Variants in GTPBP4 observed in about 807,000 individuals in gnomAD.
GTPBP4 encodes the protein GTP-binding protein 4.
GTPBP4 carries 15 observed loss-of-function variants against 81.7 expected under a neutral mutation model. The ratio of observed to expected loss-of-function variants is 0.18; its 90% CI spans 0.12 to 0.28. GTPBP4 has a LOEUF of 0.28. GTPBP4 is among the 10% of genes least tolerant of loss of function. The pLI, the probability that GTPBP4 is intolerant of heterozygous loss-of-function variation, is 1.00. For missense variants in GTPBP4, 847 were observed against 793.8 expected (o/e 1.07, Z -0.81); for synonymous variants, 272 against 274.6 (o/e 0.99, Z 0.09).
Position 991,241 on chromosome 10 carries a change from G to A in GTPBP4, c.49-1248G>A, listed in dbSNP as rs150072733. ...TCCGTGAAGGAAGGGACAGTATCTT[G>A]TTCATTATCCTCAGCACCCAAGTAT... On this transcript the variant is annotated intron_variant, in intron 1 of 16. Coordinates refer to ENST00000360803, the MANE Select transcript of GTPBP4 (RefSeq NM_012341.3). Among the ~76,000 whole-genome samples the A allele has an allele frequency of 6.9e-3, 1,048 of 152,322 alleles. 6 individuals carry two copies. Among genetic ancestry groups the A allele is most frequent in the Admixed American group, 0.013 (192 of 15,302 alleles).
chr10:1,014,875 C>T (rs553804906), intron 15 of GTPBP4, among the ~76,000 whole-genome samples: 2 of 109,750 alleles, frequency 1.8e-5, no homozygotes, highest in African/African-American at 3.1e-5. Context: ...AAGACTGTGT[C>T]TCAAAAAAAA....
chr10:1,005,761 T>C, intron 8 of GTPBP4, 57 bp from the exon 9 acceptor site: 1 of 968,812 alleles, frequency 1.0e-6, no homozygotes, highest in Middle Eastern at 2.1e-4. Flanking sequence ...GTACAGTTTG[T>C]TCCATAGGGA....
intron 10 of GTPBP4, among the ~76,000 whole-genome samples, chr10:1,008,672 T>C (rs1176017044): frequency 6.6e-6 from 1 of 152,246 alleles, no homozygotes; most frequent in Non-Finnish European, 1.5e-5. Context: ...TCATGATTTC[T>C]GTTTTTCCTG....
rs140484326 is a variant in GTPBP4 at position 1,019,592 on chromosome 10, C to A, written c.*2365C>A. 3.8e-5 allele frequency: 62 copies of A among 1,614,082 alleles called. No individual in the cohort carries two copies. In the African/African-American group the frequency reaches 6.4e-4, roughly 17 times the overall value. ...GGTGAGGCCACCACCGGTACAGAAA[C>A]CTCTCGGCAATGGTTCTTAGCCAGG... On this transcript the variant is annotated 3_prime_UTR_variant, in exon 17 of 17. Transcript: ENST00000360803.
chr10:1,007,880 C>G (rs761490288), intron 10 of GTPBP4: 131 of 516,054 alleles, frequency 2.5e-4, no homozygotes, highest in Non-Finnish European at 4.4e-4. Flanking sequence ...GCTTATTGGC[C>G]TTTTCAAAGT....
At chr10:992,165 C>G (rs1831456116) in intron 1 of GTPBP4, among the ~76,000 whole-genome samples, 1 of 151,182 alleles carries the variant, frequency 6.6e-6, no homozygotes, top group Non-Finnish European at 1.5e-5. Flanking sequence ...CTTTGGGAGG[C>G]CGAGGCAGGT....
Position 997,192 on chromosome 10 carries a change from T to C in GTPBP4, c.461-16T>C. On this transcript the variant is annotated splice_polypyrimidine_tract_variant and intron_variant, in intron 4 of 16. Transcript: ENST00000360803. ...AACTTTGAATTTCTTAATTTTTCAA[T>C]TTGAACTTTTCCTAGTGCGTCAGCA... is the stretch of plus-strand genomic sequence containing the variant. 1.4e-6 allele frequency: 2 copies of C among 1,414,038 alleles called. No homozygotes were observed. The highest frequency in any genetic ancestry group is 2.0e-6 in the Non-Finnish European group (2 of 1,005,600). 87.6% of individuals were successfully genotyped at this position (1,414,038 alleles called of 1,614,324 possible). A position where few individuals can be genotyped will look rare whatever the true frequency, so the allele number is the denominator to read the frequency against.
At chr10:1,000,514 G>C (rs185207615) in intron 6 of GTPBP4, among the ~76,000 whole-genome samples, 163 bp from the exon 7 acceptor site, 11 of 151,848 alleles carry the variant, frequency 7.2e-5, no homozygotes, top group Admixed American at 7.2e-4. Context: ...TGGGATTACA[G>C]GTGTGAGCCA....
intron 8 of GTPBP4, among the ~76,000 whole-genome samples, chr10:1,005,232 A>G (rs1289860413): frequency 3.3e-5 from 5 of 151,324 alleles, no homozygotes. Flanking sequence ...TGCAAGCTCC[A>G]CCTCCCAGGT....
chr10:1,009,040 G>A lies in GTPBP4; in HGVS notation c.1191+5G>A. The A allele has an allele frequency of 6.3e-7, 1 of 1,599,180 alleles. No homozygotes were observed. The highest frequency in any genetic ancestry group is 8.6e-7 in the Non-Finnish European group (1 of 1,166,342). On this transcript the variant is annotated splice_donor_5th_base_variant and intron_variant, in intron 11 of 16. Transcript: ENST00000360803. ...GAGGAGTCCAGGAAGAAGAGGGTAT[G>A]CTGCCGAAGCTCTCGCCCAGTGTTC...
chr10:992,011 T>C (rs1257193389), intron 1 of GTPBP4, among the ~76,000 whole-genome samples: 2 of 151,470 alleles, frequency 1.3e-5, no homozygotes, highest in African/African-American at 4.8e-5. Context: ...AAATTTATCT[T>C]AGCCATGTGT....
chr10:996,083 A>AAAC (rs10665098), intron 3 of GTPBP4, 23 bp from the exon 4 acceptor site: 1,584,645 of 1,586,708 alleles, frequency 1, 791,312 homozygotes, highest in East Asian at 1. Context: ...AGTGGAAAAA[A>AAAC]TAATATTTTT....
Position 993,323 on chromosome 10 carries a change from GC to G in GTPBP4, c.219+667del, listed in dbSNP as rs1381117239. 3.3e-5 allele frequency among the ~76,000 whole-genome samples: 5 copies of G among 152,286 alleles called. No homozygotes were observed. In the East Asian group the frequency reaches 9.6e-4, roughly 29 times the overall value. Reference sequence around the variant, plus strand: ...GCTGGAGTGCAGTGGCGTGATCTCAGCCCGCTGAAATCTCTACCTCCTGGAT... The same window carrying G: ...GCTGGAGTGCAGTGGCGTGATCTCAGCCGCTGAAATCTCTACCTCCTGGAT... On this transcript the variant is annotated intron_variant, in intron 2 of 16. Coordinates refer to ENST00000360803, the MANE Select transcript of GTPBP4 (RefSeq NM_012341.3).
chr10:1,012,977 TTC>T (rs961801990), intron 14 of GTPBP4, among the ~76,000 whole-genome samples: 4 of 152,126 alleles, frequency 2.6e-5, no homozygotes, highest in Non-Finnish European at 4.4e-5. Flanking sequence ...CTCTTCTTTT[TTC>T]TCTCTCTCTT....
Position 988,505 on chromosome 10 carries a change from T to C in GTPBP4, c.26T>C (p.Ile9Thr), listed in dbSNP as rs1420155815. ...ATGGCACATTACAACTTCAAGAAAA[T>C]TACGGTGGTGCCGTCCGCCAAGGTA... MAHYNFKK[I>T]TVVPSAKDFI... The change falls in exon 1 of 17, where the codon ATT (isoleucine) becomes ACT (threonine). Residue 9 changes from isoleucine (I) to threonine (T), a missense_variant. Ile to Thr is a moderately conservative substitution (Grantham distance 89). Coordinates refer to ENST00000360803, the MANE Select transcript of GTPBP4 (RefSeq NM_012341.3). The C allele has an allele frequency of 4.3e-6, 7 of 1,613,006 alleles. No homozygotes were observed. Among genetic ancestry groups the C allele is most frequent in the Admixed American group, 1.7e-5 (1 of 59,988 alleles).
At chr10:994,759 A>G (rs139445292) in intron 2 of GTPBP4, among the ~76,000 whole-genome samples, 76 of 152,290 alleles carry the variant, frequency 5.0e-4, no homozygotes, top group Admixed American at 3.0e-3. Flanking sequence ...ACTCTTTTTA[A>G]AGCCAGGACT....
rs147640846 is a variant in GTPBP4 at position 1,017,098 on chromosome 10, G to C, written c.1776G>C (p.Met592Ile). The C allele has an allele frequency of 9.5e-4, 1,538 of 1,613,810 alleles. 14 individuals carry two copies. Among genetic ancestry groups the C allele is most frequent in the South Asian group, 9.1e-3 (832 of 91,028 alleles). Residue 592 changes from methionine (M) to isoleucine (I), a missense_variant, in exon 17 of 17, where the codon ATG becomes ATC. Physicochemically the swap from Met to Ile is conservative, Grantham distance 10 (BLOSUM62 1). Coordinates refer to ENST00000360803, the MANE Select transcript of GTPBP4 (RefSeq NM_012341.3). ...DVKMVKKAKT[M>I]MKNAQKKMNR... ...AGATGGTGAAGAAAGCCAAGACTAT[G>C]ATGAAGAATGCTCAGAAGAAGATGA...
rs376157521 is a variant in GTPBP4, at chr10:1,010,492, C to T, written c.1316C>T (p.Ala439Val). ...IPEIWEGHNI[A>V]DYIDPAIMKK... ...GAAATCTGGGAAGGCCATAATATAG[C>T]TGATTATATTGATCCAGCCATCATG... The change falls in exon 13 of 17, where the codon GCT becomes GTT. Residue 439 changes from alanine to valine, a missense_variant. By Grantham distance (64) the Ala-to-Val change is moderately conservative. This residue lies in a region of GTPBP4 where 600 missense variants were observed against 557.1 expected (regional missense o/e 1.08). Transcript: ENST00000360803. 1 of 1,556,982 alleles carries T rather than the reference C, an allele frequency of 6.4e-7. No individual in the cohort carries two copies. Among genetic ancestry groups the T allele is most frequent in the Non-Finnish European group, 8.9e-7 (1 of 1,127,914 alleles).
chr10:1,012,504 G>C lies in GTPBP4; in HGVS notation c.1384G>C (p.Ala462Pro), dbSNP rs1373081314. 1.2e-6 allele frequency: 2 copies of C among 1,612,554 alleles called. No homozygotes were observed. Among genetic ancestry groups the C allele is most frequent in the South Asian group, 1.1e-5 (1 of 90,836 alleles). ...ELEKEEELRTAAGEYDSVSES... is the reference protein window; with the variant it reads ...ELEKEEELRTPAGEYDSVSES... ...AGAAAAAGAAGAAGAGCTGAGAACA[G>C]CTGCTGGAGAGTATGACAGTGTATC... The change falls in exon 14 of 17, where the codon GCT becomes CCT. Residue 462 changes from alanine (A) to proline (P), a missense_variant. Around this residue, in one of 3 missense-constraint regions of GTPBP4, gnomAD observed 600 missense variants for 557.1 expected, o/e 1.08. Transcript: ENST00000360803.
Sources: gnomAD v4.1 joint callset for allele counts (sites outside exome capture counted in the v4.1 genomes callset) on GRCh38, gnomAD v4.1.1 for gene constraint, gnomAD v4.1.1 regional missense constraint, MANE v1.5 for transcripts, NCBI Gene and HGNC (gene_info 2026-07-23, HGNC 2026-07-21) for gene names.